The following ACSL1 variants were observed in gnomAD, a reference collection of about 807,000 sequenced individuals.
The protein encoded by ACSL1 is long-chain-fatty-acid--CoA ligase 1.
A neutral mutation model predicts 98.4 loss-of-function variants in ACSL1; 41 were observed. The ratio of observed to expected loss-of-function variants is 0.42; its 90% CI spans 0.32 to 0.54. The LOEUF (loss-of-function observed/expected upper bound fraction) is 0.54. Ranked by LOEUF, ACSL1 falls within the 20% of genes least tolerant of loss-of-function variation. The pLI is 0.13. For missense variants in ACSL1, 734 were observed against 883.1 expected (o/e 0.83, Z 2.14); for synonymous variants, 316 against 322.7 (o/e 0.98, Z 0.22).
intron 2 of ACSL1, among the ~76,000 whole-genome samples, chr4:184,792,474 C>T (rs1768563071): frequency 1.3e-5 from 2 of 152,116 alleles, no homozygotes; most frequent in African/African-American, 4.8e-5. Context: ...CAGGCTCTGT[C>T]GCCCAGGCTA....
chr4:184,791,855 C>T (rs1423728086), intron 2 of ACSL1, among the ~76,000 whole-genome samples: 3 of 152,048 alleles, frequency 2.0e-5, no homozygotes, highest in African/African-American at 7.2e-5. Flanking sequence ...AAACTGTCCC[C>T]TTTAATCAAA....
At position 184,773,305 on chromosome 4, in the gene ACSL1, A is replaced by C; in HGVS notation, c.842-151T>G. The stretch of plus-strand genomic sequence containing the variant: ...AACACTAAATTCCTAAGCAACCTGC[A>C]ATCCTTACACTGACTTATCTTTAAA... On this transcript the variant is annotated intron_variant, in intron 9 of 20. Coordinates refer to ENST00000281455, the MANE Select transcript of ACSL1 (RefSeq NM_001995.5). This position sits in a 1 kb window ranked among gnomAD's most constrained non-coding sequence, Gnocchi z 4.3. 1.5e-6 allele frequency: 1 copy of C among 684,514 alleles called. No individual in the cohort carries two copies. The highest frequency in any genetic ancestry group is 2.5e-6 in the Non-Finnish European group (1 of 403,020). The allele number at this position is 684,514 out of a possible 1,614,324, so 42.4% of individuals were successfully genotyped here.
In ACSL1 at chr4:184,795,330, A is replaced by G. The variant is rs1330998681; in HGVS notation, c.196-6599T>C. Among the ~76,000 whole-genome samples, 3 of 152,176 alleles carry G rather than the reference A, an allele frequency of 2.0e-5. No individual in the cohort carries two copies. In the East Asian group the frequency reaches 5.8e-4, roughly 29 times the overall value. ...AACATAAGTAAATATTACAGCACGCATTTCCGTCCTTTATGCGTTTCTGTC... is the reference window on the plus strand; with the variant it reads ...AACATAAGTAAATATTACAGCACGCGTTTCCGTCCTTTATGCGTTTCTGTC... On this transcript the variant is annotated intron_variant, in intron 2 of 20. Transcript: ENST00000281455.
At chr4:184,782,952 C>A (rs960442983) in intron 4 of ACSL1, among the ~76,000 whole-genome samples, 4 of 152,190 alleles carry the variant, frequency 2.6e-5, no homozygotes, top group Non-Finnish European at 4.4e-5. Context: ...AGCTCCTAAG[C>A]TGCCCTTCAC....
intron 2 of ACSL1, among the ~76,000 whole-genome samples, chr4:184,799,899 C>G (rs1330318255): frequency 6.6e-6 from 1 of 152,048 alleles, no homozygotes; most frequent in Non-Finnish European, 1.5e-5. Context: ...GAGGCTCAAG[C>G]CACTGACTCT....
At chr4:184,796,728 G>A (rs530647102) in intron 2 of ACSL1, among the ~76,000 whole-genome samples, 1 of 152,176 alleles carries the variant, frequency 6.6e-6, no homozygotes, top group East Asian at 1.9e-4. Flanking sequence ...TCTCACACAG[G>A]CTTCTAGTTA....
At chr4:184,807,845 C>A (rs553351440) in intron 1 of ACSL1, among the ~76,000 whole-genome samples, 1 of 152,304 alleles carries the variant, frequency 6.6e-6, no homozygotes, top group African/African-American at 2.4e-5. Context: ...AACGGGACAC[C>A]AACCAATGTG....
Position 184,776,504 on chromosome 4 carries a change from T to A in ACSL1, c.736A>T (p.Thr246Ser), listed in dbSNP as rs1266514808. 1 of 1,613,218 alleles carries A rather than the reference T, an allele frequency of 6.2e-7. No individual in the cohort carries two copies. Among genetic ancestry groups the A allele is most frequent in the South Asian group, 1.1e-5 (1 of 90,978 alleles). The change falls in exon 7 of 21, where the codon ACC (threonine) becomes TCC (serine). Residue 246 changes from threonine (T) to serine (S), a missense_variant. Transcript: ENST00000281455. ...ERGQRCGVEVTSMKAMEDLGR... is the reference protein window; with the variant it reads ...ERGQRCGVEVSSMKAMEDLGR... ...CTCACCTCCATCGCCTTCATGCTGG[T>A]GACTTCCACCCCACACCTCTGGCCT...
chr4:184,818,082 T>C (rs563168027), intron 1 of ACSL1, among the ~76,000 whole-genome samples: 1 of 152,292 alleles, frequency 6.6e-6, no homozygotes, highest in Non-Finnish European at 1.5e-5. Flanking sequence ...TTCCGTCCAC[T>C]GTGAGGTGCC....
Position 184,757,880 on chromosome 4 carries a change from A to G in ACSL1, c.1823T>C (p.Leu608Ser). 1 of 1,614,170 alleles carries G rather than the reference A, an allele frequency of 6.2e-7. No homozygotes were observed. The highest frequency in any genetic ancestry group is 8.5e-7 in the Non-Finnish European group (1 of 1,180,030). ...IAIVVPDVETLCSWAQKRGFE... is the reference protein window; with the variant it reads ...IAIVVPDVETSCSWAQKRGFE... ...TCCTCTCTTTTGGGCCCAGGAACATAATGTCTCAACATCTGGTACCACAAT... is the reference window on the plus strand; with the variant it reads ...TCCTCTCTTTTGGGCCCAGGAACATGATGTCTCAACATCTGGTACCACAAT... The change falls in exon 19 of 21, where the codon TTA (leucine) becomes TCA (serine). Residue 608 changes from leucine (L) to serine (S), a missense_variant. Leu to Ser is a moderately radical substitution (Grantham distance 145). Transcript: ENST00000281455. The surrounding 1 kb of genome is among the most constrained non-coding windows in gnomAD (Gnocchi z 4.5).
chr4:184,782,479 A>G (rs1336575384), intron 4 of ACSL1, among the ~76,000 whole-genome samples: 2 of 152,164 alleles, frequency 1.3e-5, no homozygotes, highest in African/African-American at 4.8e-5. Context: ...CCTATCTGCA[A>G]TGGACGTGTC....
chr4:184,788,570 A>T, intron 3 of ACSL1, 47 bp downstream of exon 3: 4 of 1,475,400 alleles, frequency 2.7e-6, no homozygotes, highest in Non-Finnish European at 3.8e-6. Context: ...CTCGTTCTTC[A>T]TGAAACACGG....
intron 2 of ACSL1, among the ~76,000 whole-genome samples, chr4:184,794,052 T>C (rs1768898634): frequency 6.6e-6 from 1 of 152,252 alleles, no homozygotes. Context: ...GGAAAAAATG[T>C]CTGGCAATGT....
chr4:184,761,142 A>G (rs752220040), intron 17 of ACSL1, among the ~76,000 whole-genome samples: 22 of 152,282 alleles, frequency 1.4e-4, no homozygotes, highest in Admixed American at 2.0e-4. Context: ...TCATCTGTAG[A>G]AAGTGTCTAG....
intron 3 of ACSL1, among the ~76,000 whole-genome samples, chr4:184,786,980 C>T (rs1226803337): frequency 1.3e-5 from 2 of 152,148 alleles, no homozygotes; most frequent in African/African-American, 4.8e-5. Flanking sequence ...GTGTGAGCCA[C>T]CATGCCCGGC....
rs577416165 is a variant in ACSL1, at chr4:184,820,309, A to G, written c.-33+5607T>C. 2.1e-3 allele frequency among the ~76,000 whole-genome samples: 322 copies of G among 152,250 alleles called. 2 individuals are homozygous for G. Among genetic ancestry groups the G allele is most frequent in the Non-Finnish European group, 2.7e-3 (182 of 68,004 alleles). ...TGGGATTACAGGCGTGAGCCACTGC[A>G]CCCGGCCAGTCATGCGTCTCAATTG... On this transcript the variant is annotated intron_variant, in intron 1 of 20. Transcript: ENST00000281455.
intron 3 of ACSL1, among the ~76,000 whole-genome samples, chr4:184,784,334 G>A (rs558864719): frequency 1.3e-5 from 2 of 152,328 alleles, no homozygotes; most frequent in East Asian, 1.9e-4. Flanking sequence ...AGAACCTGCT[G>A]TAGTGGTAAA....
Position 184,803,627 on chromosome 4 carries a change from A to T in ACSL1, c.-32-81T>A. 1.0e-6 allele frequency: 1 copy of T among 990,406 alleles called. No individual in the cohort carries two copies. The allele number at this position is 990,406 out of a possible 1,614,324, so 61.4% of individuals were successfully genotyped here. A position where few individuals can be genotyped will look rare whatever the true frequency, so the allele number is the denominator to read the frequency against. On this transcript the variant is annotated intron_variant, in intron 1 of 20. Coordinates refer to ENST00000281455, the MANE Select transcript of ACSL1 (RefSeq NM_001995.5). This position sits in a 1 kb window ranked among gnomAD's most constrained non-coding sequence, Gnocchi z 4.8. ...AACTCCAAAATTCCACCGGCCAGCC[A>T]TCTAATTGGGTAGCTGCTCGGCCAG...
chr4:184,769,962 A>G (rs923177819), intron 11 of ACSL1, among the ~76,000 whole-genome samples: 2 of 152,234 alleles, frequency 1.3e-5, no homozygotes, highest in Non-Finnish European at 2.9e-5. Context: ...CTTGTGCATT[A>G]GGAACAAGCA....
Sources: allele counts gnomAD v4.1 joint callset (sites outside exome capture counted in the v4.1 genomes callset), GRCh38; gene constraint gnomAD v4.1.1; non-coding constraint Gnocchi (gnomAD v3.1); transcripts MANE v1.5; gene names NCBI Gene and HGNC (gene_info 2026-07-23, HGNC 2026-07-21).